Variants in NEDD4 observed in about 807,000 individuals in gnomAD.
The protein encoded by NEDD4 is E3 ubiquitin-protein ligase NEDD4.
NEDD4 carries 99 observed loss-of-function variants against 144.9 expected under a neutral mutation model. The ratio of observed to expected loss-of-function variants is 0.68; its 90% CI spans 0.58 to 0.81. The LOEUF (loss-of-function observed/expected upper bound fraction) is 0.81, where lower values mean the gene tolerates loss of function less well. Among genes scored for constraint, NEDD4 ranks in the 30% least tolerant of loss-of-function variants. The pLI is 0.00. For missense variants in NEDD4, 985 were observed against 1,065.9 expected, an observed-to-expected ratio of 0.92 and a Z score of 1.06; for synonymous variants, 318 against 350.6, an observed-to-expected ratio of 0.91 and a Z score of 1.04.
intron 4 of NEDD4, among the ~76,000 whole-genome samples, chr15:55,938,083 A>G (rs1320161212): frequency 1.3e-5 from 2 of 152,216 alleles, no homozygotes; most frequent in Non-Finnish European, 2.9e-5. Flanking sequence ...AATGGTGGCC[A>G]GGCGCAGTGG....
At chr15:55,941,973 T>C (rs1471913039) in intron 4 of NEDD4, among the ~76,000 whole-genome samples, 7 of 152,204 alleles carry the variant, frequency 4.6e-5, no homozygotes, top group Non-Finnish European at 1.5e-5. Context: ...ATAAAAAGAA[T>C]ATACACTTGG....
intron 1 of NEDD4, among the ~76,000 whole-genome samples, chr15:55,984,032 AT>A (rs1478023248): frequency 6.6e-6 from 1 of 152,180 alleles, no homozygotes; most frequent in African/African-American, 2.4e-5. Flanking sequence ...AGTATATTCT[AT>A]ATCATTATAC....
chr15:55,959,435 T>C (rs62045213), intron 2 of NEDD4, among the ~76,000 whole-genome samples: 12,510 of 152,230 alleles, frequency 0.082, 589 homozygotes, highest in Admixed American at 0.12. Context: ...CTATCTTGAT[T>C]AACGTACCAT....
chr15:55,832,626 G>C (rs2033008668), intron 27 of NEDD4, among the ~76,000 whole-genome samples: 1 of 152,092 alleles, frequency 6.6e-6, no homozygotes, highest in Admixed American at 6.6e-5. Context: ...GTGTTGGCTA[G>C]GCTCATCTTG....
intron 5 of NEDD4, among the ~76,000 whole-genome samples, chr15:55,914,652 G>A (rs1412797398): frequency 2.6e-5 from 4 of 151,784 alleles, no homozygotes. Flanking sequence ...AAATTCCTGT[G>A]GTTAAGGGTA....
At chr15:55,863,933 T>C (rs560380342) in intron 8 of NEDD4, among the ~76,000 whole-genome samples, 50 of 152,332 alleles carry the variant, frequency 3.3e-4, no homozygotes, top group African/African-American at 1.2e-3. Flanking sequence ...CTCATTCCCT[T>C]GTCTGATTTC....
At chr15:55,831,003 C>T (rs1222587345) in intron 27 of NEDD4, among the ~76,000 whole-genome samples, 1 of 152,214 alleles carries the variant, frequency 6.6e-6, no homozygotes, top group African/African-American at 2.4e-5. Flanking sequence ...AATGCAACCT[C>T]TGGCTCCTGG....
intron 5 of NEDD4, among the ~76,000 whole-genome samples, chr15:55,895,171 G>A (rs1165245205): frequency 2.0e-5 from 3 of 152,112 alleles, no homozygotes; most frequent in African/African-American, 4.8e-5. Context: ...ATTCACTCTC[G>A]ACTGAAAATA....
chr15:55,850,838 C>A, intron 13 of NEDD4, 96 bp from the exon 14 acceptor site: 1 of 1,029,108 alleles, frequency 9.7e-7, no homozygotes, highest in Non-Finnish European at 1.4e-6. Context: ...ATAGAATACA[C>A]ACCCTCCATT....
chr15:55,944,725 C>T (rs1156306515), intron 4 of NEDD4, among the ~76,000 whole-genome samples: 1 of 152,214 alleles, frequency 6.6e-6, no homozygotes, highest in Non-Finnish European at 1.5e-5. Flanking sequence ...CTGGGAGACA[C>T]TTCCCAGTAG....
intron 1 of NEDD4, among the ~76,000 whole-genome samples, chr15:55,981,127 C>G (rs1003508562): frequency 6.6e-6 from 1 of 151,092 alleles, no homozygotes; most frequent in Middle Eastern, 3.4e-3. Flanking sequence ...CTCGCAATGT[C>G]TACCTCCCAG....
chr15:55,917,137 G>A (rs2036475240), intron 5 of NEDD4: 2 of 1,115,328 alleles, frequency 1.8e-6, no homozygotes, highest in Non-Finnish European at 2.2e-6. Context: ...GCAGCACACT[G>A]ACTCAAACAC....
chr15:55,832,887 C>T (rs2033020454), intron 27 of NEDD4, 121 bp downstream of exon 27: 1 of 671,028 alleles, frequency 1.5e-6, no homozygotes, highest in Admixed American at 2.7e-5. Flanking sequence ...CTTTCAAAAT[C>T]TTAATTCTTT....
At chr15:55,956,502 C>T (rs2037340318) in intron 2 of NEDD4, among the ~76,000 whole-genome samples, 1 of 152,268 alleles carries the variant, frequency 6.6e-6, no homozygotes, top group East Asian at 1.9e-4. Flanking sequence ...TCTATACAGA[C>T]CAGTTGTTCT....
At chr15:55,867,072 T>C (rs1468054744) in intron 8 of NEDD4, among the ~76,000 whole-genome samples, 2 of 152,192 alleles carry the variant, frequency 1.3e-5, no homozygotes, top group African/African-American at 4.8e-5. Context: ...TTGCAAATGG[T>C]ACAAAAATCA....
chr15:55,837,251 G>A (rs996531754), intron 24 of NEDD4, among the ~76,000 whole-genome samples: 5 of 152,028 alleles, frequency 3.3e-5, no homozygotes, highest in Non-Finnish European at 7.4e-5. Flanking sequence ...CCAACATGGT[G>A]AAACCATGTC....
chr15:55,926,262 C>T (rs1319513099), intron 4 of NEDD4, among the ~76,000 whole-genome samples: 4 of 152,100 alleles, frequency 2.6e-5, no homozygotes, highest in African/African-American at 9.7e-5. Context: ...TACGGGCAAC[C>T]AATGAAGCCA....
At chr15:55,848,911 A>C in intron 14 of NEDD4, 25 bp from the exon 15 acceptor site, 1 of 1,545,530 alleles carries the variant, frequency 6.5e-7, no homozygotes, top group Non-Finnish European at 8.9e-7. Context: ...TAAATAAAGA[A>C]CAATACACAC....
chr15:55,852,587 G>A (rs955313514), intron 12 of NEDD4, 44 bp from the exon 13 acceptor site: 2 of 1,592,150 alleles, frequency 1.3e-6, no homozygotes, highest in African/African-American at 1.3e-5. Context: ...TCAAGTTTAA[G>A]AATCCTTCTA....
Sources: gnomAD v4.1 joint callset for allele counts (sites outside exome capture counted in the v4.1 genomes callset) on GRCh38, gnomAD v4.1.1 for gene constraint, MANE v1.5 for transcripts, NCBI Gene and HGNC (gene_info 2026-07-23, HGNC 2026-07-21) for gene names.